Variants in GAS7 observed in about 807,000 individuals in gnomAD.
The protein encoded by GAS7 is growth arrest-specific protein 7.
In GAS7, 28 loss-of-function variants were observed where a neutral mutation model predicts 71.1. That is an observed-to-expected ratio of 0.39 (90% confidence interval 0.29 to 0.54). GAS7 has a LOEUF of 0.54. GAS7 is among the 20% of genes least tolerant of loss of function. The probability of loss-of-function intolerance (pLI) is 0.62; values close to 1 mark genes in which losing one functional copy is unlikely to be tolerated. For synonymous variants in GAS7, 258 were observed against 245.8 expected, an observed-to-expected ratio of 1.05 and a Z score of -0.46; for missense variants, 436 against 627.8, an observed-to-expected ratio of 0.69 and a Z score of 3.27.
At chr17:10,081,344 C>T (rs1597780559) in intron 1 of GAS7, among the ~76,000 whole-genome samples, 2 of 152,144 alleles carry the variant, frequency 1.3e-5, no homozygotes, top group East Asian at 1.9e-4. Context: ...TTTGTAGAGA[C>T]GGGGTTTCAC....
At chr17:10,111,300 C>T (rs1190474920) in intron 1 of GAS7, among the ~76,000 whole-genome samples, 5 of 34,716 alleles carry the variant, frequency 1.4e-4, no homozygotes, top group East Asian at 1.9e-3. Flanking sequence ...TTTGGGAGGC[C>T]GAGGTGGGCG....
At chr17:10,035,442 C>T (rs761010795) in intron 1 of GAS7, among the ~76,000 whole-genome samples, 11 of 152,214 alleles carry the variant, frequency 7.2e-5, no homozygotes, top group African/African-American at 1.2e-4. Context: ...TTGAGAAGCA[C>T]TGCTGTGGAC....
chr17:10,100,054 T>A lies in GAS7; in HGVS notation c.184-80157A>T, dbSNP rs538465015. 3.9e-5 allele frequency among the ~76,000 whole-genome samples: 6 copies of A among 152,320 alleles called. No homozygotes were observed. The South Asian group carries it at 1.2e-3, about 32-fold the overall frequency. ...AGAGGAGGTTGAGATCCATCTATTA[T>A]CCTCCTTATTAGGAGTTTAAAGGCT... On this transcript the variant is annotated intron_variant, in intron 1 of 13. Coordinates refer to ENST00000432992, the MANE Select transcript of GAS7 (RefSeq NM_201433.2).
At chr17:10,110,084 A>T in intron 1 of GAS7, among the ~76,000 whole-genome samples, 1 of 151,446 alleles carries the variant, frequency 6.6e-6, no homozygotes. Context: ...GATATCAAAG[A>T]GATACCTGTA....
At chr17:9,947,149 G>T (rs1339785995) in intron 5 of GAS7, among the ~76,000 whole-genome samples, 166 bp from the exon 6 acceptor site, 1 of 152,146 alleles carries the variant, frequency 6.6e-6, no homozygotes, top group East Asian at 1.9e-4. Context: ...GCGGCAACAG[G>T]TGCTCACCCC....
chr17:9,957,069 C>T (rs1481295211), intron 5 of GAS7, among the ~76,000 whole-genome samples: 2 of 152,200 alleles, frequency 1.3e-5, no homozygotes. Flanking sequence ...CTGGGCTCTG[C>T]TCCTCACTTG....
intron 2 of GAS7, among the ~76,000 whole-genome samples, chr17:10,016,989 G>A (rs1284136754): frequency 6.7e-6 from 1 of 148,672 alleles, no homozygotes; most frequent in Non-Finnish European, 1.5e-5. Context: ...AAATCAGCCG[G>A]GCGTGATGAC....
At chr17:10,005,883 CAA>C (rs1337832139) in intron 2 of GAS7, among the ~76,000 whole-genome samples, 1 of 152,106 alleles carries the variant, frequency 6.6e-6, no homozygotes, top group Admixed American at 6.5e-5. Flanking sequence ...CAGCACTTTT[CAA>C]AAAGAGTTCA....
intron 1 of GAS7, among the ~76,000 whole-genome samples, chr17:10,152,334 T>C (rs1314378418): frequency 6.6e-6 from 1 of 152,154 alleles, no homozygotes; most frequent in Non-Finnish European, 1.5e-5. Flanking sequence ...CAAGAGAATC[T>C]TATTGAGGAA....
chr17:10,145,945 G>A (rs1307826074), intron 1 of GAS7, among the ~76,000 whole-genome samples: 8 of 152,158 alleles, frequency 5.3e-5, no homozygotes, highest in Admixed American at 2.0e-4. Flanking sequence ...CAGGATCTTC[G>A]TGGGAGGGTT....
intron 3 of GAS7, among the ~76,000 whole-genome samples, chr17:9,970,710 G>A (rs1369404590): frequency 2.6e-5 from 4 of 152,122 alleles, no homozygotes; most frequent in Admixed American, 6.6e-5. Flanking sequence ...TATGTCTCTT[G>A]GGGGACACTC....
intron 4 of GAS7, among the ~76,000 whole-genome samples, chr17:9,965,869 G>A (rs1467851285): frequency 6.6e-6 from 1 of 152,074 alleles, no homozygotes; most frequent in Non-Finnish European, 1.5e-5. Flanking sequence ...AAGGAGCGGG[G>A]CAGGCACCCT....
At chr17:9,939,468 A>G in intron 8 of GAS7, among the ~76,000 whole-genome samples, 1 of 152,166 alleles carries the variant, frequency 6.6e-6, no homozygotes, top group South Asian at 2.1e-4. Flanking sequence ...GCTTCCTCCC[A>G]GCCTGCCCCT....
chr17:10,147,724 T>C (rs2074132334), intron 1 of GAS7, among the ~76,000 whole-genome samples: 1 of 152,194 alleles, frequency 6.6e-6, no homozygotes, highest in Admixed American at 6.5e-5. Context: ...TTCTCTCTCA[T>C]GCCAAAGATC....
chr17:9,980,033 T>C (rs1469337170), intron 3 of GAS7, among the ~76,000 whole-genome samples: 1 of 151,932 alleles, frequency 6.6e-6, no homozygotes, highest in Non-Finnish European at 1.5e-5. Context: ...CCCATGTCCC[T>C]CCCACACAGG....
chr17:9,955,290 T>C (rs1401012484), intron 5 of GAS7, among the ~76,000 whole-genome samples: 4 of 152,204 alleles, frequency 2.6e-5, no homozygotes, highest in Non-Finnish European at 5.9e-5. Flanking sequence ...ATTTTCCTGA[T>C]GGTTAATACC....
intron 1 of GAS7, among the ~76,000 whole-genome samples, chr17:10,144,217 G>A (rs1218060600): frequency 6.6e-6 from 1 of 152,220 alleles, no homozygotes; most frequent in Non-Finnish European, 1.5e-5. Context: ...TGGGGACTTT[G>A]CAGCTGTGCC....
chr17:9,912,252 T>C lies in GAS7; in HGVS notation c.*4976A>G, dbSNP rs1185801221. On this transcript the variant is annotated 3_prime_UTR_variant, in exon 14 of 14. Coordinates refer to ENST00000432992, the MANE Select transcript of GAS7 (RefSeq NM_201433.2). ...CTCTCTCACCAGGACTTGAGGCAATTCTATGCACGATTGTGCAGATGAGAG... is the reference window on the plus strand; with the variant it reads ...CTCTCTCACCAGGACTTGAGGCAATCCTATGCACGATTGTGCAGATGAGAG... The C allele has an allele frequency of 4.3e-6, 1 of 232,856 alleles. No homozygotes were observed. The highest frequency in any genetic ancestry group is 8.5e-6 in the Non-Finnish European group (1 of 117,882). The allele number at this position is 232,856 out of a possible 1,614,324, so 14.4% of individuals were successfully genotyped here.
At chr17:10,000,792 A>C (rs1173489398) in intron 2 of GAS7, among the ~76,000 whole-genome samples, 1 of 152,186 alleles carries the variant, frequency 6.6e-6, no homozygotes. Flanking sequence ...TCCGCTTCCC[A>C]AGGCTTTGCG....
Sources: gnomAD v4.1 joint callset for allele counts (sites outside exome capture counted in the v4.1 genomes callset) on GRCh38, gnomAD v4.1.1 for gene constraint, MANE v1.5 for transcripts, NCBI Gene and HGNC (gene_info 2026-07-23, HGNC 2026-07-21) for gene names.